Variants in TSPAN15 observed in about 807,000 individuals in gnomAD.
The protein encoded by TSPAN15 is tetraspanin-15.
TSPAN15 carries 20 observed loss-of-function variants against 34.5 expected under a neutral mutation model. The observed-to-expected ratio is 0.58, with a 90% CI of 0.41 to 0.84. The LOEUF (loss-of-function observed/expected upper bound fraction) is 0.84, where lower values mean the gene tolerates loss of function less well. TSPAN15 is among the 40% of genes least tolerant of loss of function. The probability of loss-of-function intolerance (pLI) is 0.00; values close to 1 mark genes in which losing one functional copy is unlikely to be tolerated. For missense variants in TSPAN15, 313 were observed against 386.1 expected, an observed-to-expected ratio of 0.81 and a Z score of 1.59; for synonymous variants, 155 against 153.9, an observed-to-expected ratio of 1.01 and a Z score of -0.05.
intron 1 of TSPAN15, among the ~76,000 whole-genome samples, chr10:69,465,341 G>A (rs1017230134): frequency 6.6e-6 from 1 of 152,198 alleles, no homozygotes. Flanking sequence ...ATGGGGTGGG[G>A]CCTACTTCTG....
At chr10:69,462,626 C>T (rs1173039257) in intron 1 of TSPAN15, among the ~76,000 whole-genome samples, 3 of 152,292 alleles carry the variant, frequency 2.0e-5, no homozygotes, top group African/African-American at 4.8e-5. Context: ...TGAGCCACCG[C>T]GCCTGGCCCT....
chr10:69,472,468 GTC>G (rs1841527233), intron 1 of TSPAN15, among the ~76,000 whole-genome samples: 1 of 152,160 alleles, frequency 6.6e-6, no homozygotes, highest in African/African-American at 2.4e-5. Context: ...GTGCTGGTAT[GTC>G]TCTCACCAGA....
rs528827067 is a variant in TSPAN15, at chr10:69,482,820, C to T, written c.97-871C>T. Among the ~76,000 whole-genome samples, 8 of 152,296 alleles carry T rather than the reference C, an allele frequency of 5.3e-5. 1 individual carries two copies. In the South Asian group the frequency reaches 1.7e-3, roughly 32 times the overall value. ...TCCCCTAACCCATCTATACTCTCCT[C>T]TAAAGTGGCATCTCCAGATTGGGTC... On this transcript the variant is annotated intron_variant, in intron 1 of 7. Transcript: ENST00000373290.
the TSPAN15 span, among the ~76,000 whole-genome samples, chr10:69,514,007 T>C: frequency 4.2e-4 from 64 of 152,390 alleles, no homozygotes; most frequent in African/African-American, 1.5e-3. Context: ...TTCAGTCTTT[T>C]ATCATTAAGT....
chr10:69,471,762 T>A (rs1487503831), intron 1 of TSPAN15, among the ~76,000 whole-genome samples: 2 of 152,040 alleles, frequency 1.3e-5, no homozygotes, highest in African/African-American at 4.8e-5. Flanking sequence ...TGGCTAATTC[T>A]TCTTACTTTT....
intron 1 of TSPAN15, among the ~76,000 whole-genome samples, chr10:69,473,234 G>A (rs751627661): frequency 9.2e-5 from 14 of 152,126 alleles, no homozygotes; most frequent in Admixed American, 3.3e-4. Context: ...ATCATGGCTC[G>A]CTATAGCCTT....
At chr10:69,512,890 T>C in the TSPAN15 span, among the ~76,000 whole-genome samples, 1 of 152,270 alleles carries the variant, frequency 6.6e-6, no homozygotes, top group Admixed American at 6.5e-5. Flanking sequence ...AAAGCTGCTA[T>C]GAATACTTGT....
intron 1 of TSPAN15, among the ~76,000 whole-genome samples, chr10:69,481,443 G>A (rs1033888932): frequency 1.5e-4 from 23 of 152,344 alleles, no homozygotes; most frequent in African/African-American, 5.3e-4. Flanking sequence ...CTGTGTTTCT[G>A]CATAAGCTCT....
At chr10:69,460,710 G>T (rs1339298913) in intron 1 of TSPAN15, among the ~76,000 whole-genome samples, 1 of 152,104 alleles carries the variant, frequency 6.6e-6, no homozygotes, top group African/African-American at 2.4e-5. Flanking sequence ...CTGGACAGGG[G>T]GTCTTGTCCT....
chr10:69,530,820 C>CTCTCTCTCTCTCTA, the TSPAN15 span, among the ~76,000 whole-genome samples: 1 of 30,780 alleles, frequency 3.2e-5, no homozygotes, highest in African/African-American at 1.1e-4. Context: ...CTCTCTCTCT[C>CTCTCTCTCTCTCTA]TATATATATA....
At chr10:69,483,637 G>A (rs12256348) in intron 1 of TSPAN15, 54 bp from the exon 2 acceptor site, 5 of 1,567,288 alleles carry the variant, frequency 3.2e-6, no homozygotes, top group Admixed American at 1.8e-5. Context: ...ACTCTTTGCT[G>A]TAGAAAATCA....
At chr10:69,534,857 A>G in the TSPAN15 span, among the ~76,000 whole-genome samples, 1 of 148,642 alleles carries the variant, frequency 6.7e-6, no homozygotes, top group African/African-American at 2.5e-5. Context: ...GGTGGTGCAC[A>G]CCTGTGGTCC....
In TSPAN15 at chr10:69,459,447, G is replaced by A. The variant is rs566982587; in HGVS notation, c.96+7757G>A. ...GGGAGGGATGGGCGTTTCCACTTTC[G>A]ATGATGTGGTCAGGGAAAGCCTTTA... On this transcript the variant is annotated intron_variant, in intron 1 of 7. Coordinates refer to ENST00000373290, the MANE Select transcript of TSPAN15 (RefSeq NM_012339.5). Among the ~76,000 whole-genome samples, 5 of 152,228 alleles carry A rather than the reference G, an allele frequency of 3.3e-5. No individual in the cohort carries two copies. In the South Asian group the frequency reaches 6.2e-4, roughly 19 times the overall value.
At chr10:69,497,600 G>T (rs1347596995) in intron 4 of TSPAN15, among the ~76,000 whole-genome samples, 1 of 152,078 alleles carries the variant, frequency 6.6e-6, no homozygotes, top group African/African-American at 2.4e-5. Flanking sequence ...TTTCCATCCA[G>T]TGCTCACTCT....
rs1416306187 is a variant in TSPAN15 at position 69,506,831 on chromosome 10, C to T, written c.738C>T (p.Phe246=). The T allele has an allele frequency of 1.3e-6, 2 of 1,578,890 alleles. No individual in the cohort carries two copies. The highest frequency in any genetic ancestry group is 2.3e-5 in the East Asian group (1 of 43,428). Residue 246 remains phenylalanine (F), a splice_region_variant and synonymous_variant, in exon 8 of 8, where the codon TTC becomes TTT. Coordinates refer to ENST00000373290, the MANE Select transcript of TSPAN15 (RefSeq NM_012339.5). The surrounding 1 kb of genome is among the most constrained non-coding windows in gnomAD (Gnocchi z 4.7). ...GILLGILLPQ[F]LGVLLTLLYI... ...CCAGCCCTGCCCCTTCTTCTCAGTTCCTGGGGGTGCTGCTGACGCTGCTGT... is the reference window on the plus strand; with the variant it reads ...CCAGCCCTGCCCCTTCTTCTCAGTTTCTGGGGGTGCTGCTGACGCTGCTGT...
the TSPAN15 span, among the ~76,000 whole-genome samples, chr10:69,541,969 G>A: frequency 3.9e-5 from 6 of 152,138 alleles, no homozygotes; most frequent in African/African-American, 9.7e-5. Context: ...TCGGTTCCTC[G>A]TTACTTATGC....
the TSPAN15 span, among the ~76,000 whole-genome samples, chr10:69,527,463 T>G: frequency 4.1e-5 from 6 of 146,696 alleles, 2 homozygotes; most frequent in East Asian, 1.5e-3. Flanking sequence ...GGCGTGGTGG[T>G]GCATACCTGT....
At chr10:69,539,379 A>AGAAGAAGAGGAAGAG in the TSPAN15 span, among the ~76,000 whole-genome samples, 1 of 131,726 alleles carries the variant, frequency 7.6e-6, no homozygotes, top group African/African-American at 2.8e-5. Context: ...AAAAAATAGA[A>AGAAGAAGAGGAAGAG]GAAGAAGAGG....
At chr10:69,463,503 G>A (rs1422497214) in intron 1 of TSPAN15, among the ~76,000 whole-genome samples, 2 of 152,200 alleles carry the variant, frequency 1.3e-5, no homozygotes, top group East Asian at 3.9e-4. Flanking sequence ...GTTGAGTCGT[G>A]GCCTCATCAA....
Sources: gnomAD v4.1 joint callset for allele counts (sites outside exome capture counted in the v4.1 genomes callset) on GRCh38, gnomAD v4.1.1 for gene constraint, Gnocchi (gnomAD v3.1) non-coding constraint, MANE v1.5 for transcripts, NCBI Gene and HGNC (gene_info 2026-07-23, HGNC 2026-07-21) for gene names.